Variants in TSC22D1 observed in about 807,000 individuals in gnomAD.
TSC22D1 encodes TSC22 domain family member 1, also known as TSC22 domain family protein 1.
A neutral mutation model predicts 74.2 loss-of-function variants in TSC22D1; 9 were observed. The ratio of observed to expected loss-of-function variants is 0.12; its 90% CI spans 0.07 to 0.21. The LOEUF (loss-of-function observed/expected upper bound fraction) is 0.21. Among genes scored for constraint, TSC22D1 ranks in the 10% least tolerant of loss-of-function variants. TSC22D1 has a pLI of 1.00. For missense variants in TSC22D1, 1,427 were observed against 1,304.7 expected, an observed-to-expected ratio of 1.09 and a Z score of -1.44; for synonymous variants, 586 against 492.5, an observed-to-expected ratio of 1.19 and a Z score of -2.51.
intron 1 of TSC22D1, chr13:44,539,273 T>C (rs369818566): frequency 2.7e-5 from 27 of 985,188 alleles, no homozygotes; most frequent in East Asian, 1.1e-4. Context: ...AGTACTATCA[T>C]TGCATCTTTT....
intron 1 of TSC22D1, among the ~76,000 whole-genome samples, chr13:44,453,480 A>G (rs1489906418): frequency 6.6e-6 from 1 of 152,252 alleles, no homozygotes; most frequent in Non-Finnish European, 1.5e-5. Flanking sequence ...AACTGTTTAT[A>G]TCTTTATATG....
At position 44,434,720 on chromosome 13, in the gene TSC22D1, A is replaced by C; in HGVS notation, c.3128T>G (p.Leu1043Arg). ...GGTGGCAGGGGGGGAGCCAGTCTGC[A>C]GCTGGGCCTGAAACTGGGCAAGCTG... ...PEQLAQFQAQ[L>R]QTGSPPATTQ... Residue 1043 changes from leucine to arginine, a missense_variant, in exon 3 of 3, where the codon CTG becomes CGG. Coordinates refer to ENST00000458659, the MANE Select transcript of TSC22D1 (RefSeq NM_183422.4). The C allele has an allele frequency of 6.2e-7, 1 of 1,613,110 alleles. No individual in the cohort carries two copies. Among genetic ancestry groups the C allele is most frequent in the East Asian group, 2.2e-5 (1 of 44,848 alleles).
At chr13:44,544,334 A>G (rs1595151564) in intron 1 of TSC22D1, among the ~76,000 whole-genome samples, 1 of 151,226 alleles carries the variant, frequency 6.6e-6, no homozygotes, top group East Asian at 1.9e-4. Context: ...GAGAGATCTT[A>G]CCCGATAACA....
chr13:44,516,722 G>A (rs1438550417), intron 1 of TSC22D1, among the ~76,000 whole-genome samples: 1 of 152,218 alleles, frequency 6.6e-6, no homozygotes, highest in Non-Finnish European at 1.5e-5. Context: ...AAATGAGGCT[G>A]AGGCACTTAG....
At chr13:44,561,852 G>A (rs1223394457) in intron 1 of TSC22D1, among the ~76,000 whole-genome samples, 1 of 152,140 alleles carries the variant, frequency 6.6e-6, no homozygotes, top group Non-Finnish European at 1.5e-5. Context: ...AATTACAGGA[G>A]TAATAGAAGG....
At chr13:44,568,430 T>C (rs1883522100) in intron 1 of TSC22D1, among the ~76,000 whole-genome samples, 1 of 152,044 alleles carries the variant, frequency 6.6e-6, no homozygotes, top group Non-Finnish European at 1.5e-5. Context: ...AAAAAGACAA[T>C]GAACTCCAGC....
intron 1 of TSC22D1, among the ~76,000 whole-genome samples, chr13:44,510,586 ATGTTT>A (rs545628032): frequency 7.2e-5 from 11 of 152,142 alleles, no homozygotes; most frequent in African/African-American, 1.9e-4. Flanking sequence ...GTACAGCCAT[ATGTTT>A]TGTTTTGTTT....
intron 1 of TSC22D1, among the ~76,000 whole-genome samples, chr13:44,510,193 G>A (rs935715502): frequency 2.7e-5 from 4 of 150,400 alleles, no homozygotes; most frequent in Non-Finnish European, 5.9e-5. Flanking sequence ...AGACCAGCCT[G>A]ACCAACATGG....
intron 1 of TSC22D1, among the ~76,000 whole-genome samples, chr13:44,468,045 A>G (rs1202865750): frequency 6.6e-6 from 1 of 152,136 alleles, no homozygotes; most frequent in East Asian, 1.9e-4. Flanking sequence ...GAACAGCCAT[A>G]TAAGAACAAA....
At chr13:44,547,569 C>T (rs1881908104) in intron 1 of TSC22D1, among the ~76,000 whole-genome samples, 1 of 151,854 alleles carries the variant, frequency 6.6e-6, no homozygotes, top group Non-Finnish European at 1.5e-5. Context: ...AAACTGAAGA[C>T]CTTCTCCTCA....
chr13:44,488,669 A>T (rs1241672259), intron 1 of TSC22D1, among the ~76,000 whole-genome samples: 1 of 152,232 alleles, frequency 6.6e-6, no homozygotes, highest in Non-Finnish European at 1.5e-5. Context: ...AGAATCAATA[A>T]GAAGGTTTAG....
intron 1 of TSC22D1, among the ~76,000 whole-genome samples, chr13:44,446,742 GA>G (rs375153995): frequency 1.2e-3 from 101 of 84,254 alleles, no homozygotes; most frequent in African/African-American, 2.0e-3. Context: ...TGGGAAGAAT[GA>G]AAAAAAAAAA....
intron 1 of TSC22D1, among the ~76,000 whole-genome samples, chr13:44,517,508 G>A (rs1225181276): frequency 6.6e-6 from 1 of 151,666 alleles, no homozygotes; most frequent in East Asian, 1.9e-4. Flanking sequence ...CTGAAAATGT[G>A]CAGGATTACT....
intron 1 of TSC22D1, among the ~76,000 whole-genome samples, chr13:44,490,652 C>G (rs1878655298): frequency 6.6e-6 from 1 of 152,128 alleles, no homozygotes; most frequent in Admixed American, 6.5e-5. Context: ...AATCCCAGCA[C>G]TCTGAGAGAC....
intron 1 of TSC22D1, among the ~76,000 whole-genome samples, chr13:44,520,355 T>C (rs958490315): frequency 2.0e-5 from 3 of 152,154 alleles, no homozygotes; most frequent in Admixed American, 1.3e-4. Context: ...AGGGTACACA[T>C]ATGACTAGAT....
chr13:44,447,126 G>A (rs530052094), intron 1 of TSC22D1, among the ~76,000 whole-genome samples: 5 of 151,328 alleles, frequency 3.3e-5, no homozygotes, highest in South Asian at 4.2e-4. Context: ...CTATGAATTC[G>A]GCTACTTTAG....
intron 1 of TSC22D1, among the ~76,000 whole-genome samples, chr13:44,517,855 A>G (rs375013551): frequency 3.0e-4 from 7 of 23,540 alleles, no homozygotes. Flanking sequence ...ATATATATAT[A>G]TATTTTTTTT....
At chr13:44,461,733 C>A (rs1371932590) in intron 1 of TSC22D1, among the ~76,000 whole-genome samples, 1 of 151,962 alleles carries the variant, frequency 6.6e-6, no homozygotes, top group African/African-American at 2.4e-5. Flanking sequence ...TCTTCTAATC[C>A]CCCAAAACAC....
chr13:44,470,660 A>T (rs1406353053), intron 1 of TSC22D1, among the ~76,000 whole-genome samples: 1 of 152,128 alleles, frequency 6.6e-6, no homozygotes, highest in Non-Finnish European at 1.5e-5. Flanking sequence ...CCTTCCCCCA[A>T]ATACCCTGTG....
Sources: allele counts gnomAD v4.1 joint callset (sites outside exome capture counted in the v4.1 genomes callset), GRCh38; gene constraint gnomAD v4.1.1; transcripts MANE v1.5; gene names NCBI Gene and HGNC (gene_info 2026-07-23, HGNC 2026-07-21).